The following EYS variants were observed in gnomAD, a reference collection of about 807,000 sequenced individuals.
EYS encodes protein eyes shut homolog.
Under a neutral mutation model 282.1 loss-of-function variants are expected in EYS, and 250 were observed. The ratio of observed to expected loss-of-function variants is 0.89; its 90% confidence interval spans 0.80 to 0.98. The LOEUF is 0.98. Ranked by LOEUF, EYS falls within the 50% of genes least tolerant of loss-of-function variation. The pLI, the probability that EYS is intolerant of heterozygous loss-of-function variation, is 0.00. For missense variants in EYS, 4,016 were observed against 3,709.0 expected, an observed-to-expected ratio of 1.08 and a Z score of -2.15; for synonymous variants, 1,355 against 1,282.9, an observed-to-expected ratio of 1.06 and a Z score of -1.20.
At chr6:65,201,302 A>T (rs530679439) in intron 12 of EYS, among the ~76,000 whole-genome samples, 1 of 152,338 alleles carries the variant, frequency 6.6e-6, no homozygotes, top group Non-Finnish European at 1.5e-5. Flanking sequence ...ATAAATGAAT[A>T]AATGTCTTCT....
chr6:65,684,739 G>T (rs1159547995), intron 1 of EYS, among the ~76,000 whole-genome samples: 1 of 151,992 alleles, frequency 6.6e-6, no homozygotes, highest in East Asian at 1.9e-4. Context: ...ACATGGTTAG[G>T]TTTATTACAT....
At chr6:65,033,347 G>A (rs886494487) in intron 13 of EYS, among the ~76,000 whole-genome samples, 2 of 152,174 alleles carry the variant, frequency 1.3e-5, no homozygotes, top group Non-Finnish European at 2.9e-5. Flanking sequence ...TAACAAAAAG[G>A]AGCCAAGTGC....
intron 2 of EYS, among the ~76,000 whole-genome samples, chr6:65,635,984 T>G (rs985060089): frequency 1.3e-5 from 2 of 152,214 alleles, no homozygotes; most frequent in African/African-American, 4.8e-5. Context: ...ATGAGATTGA[T>G]TTGAGTAACA....
chr6:65,513,212 C>T (rs1372022797), intron 2 of EYS, among the ~76,000 whole-genome samples: 1 of 152,164 alleles, frequency 6.6e-6, no homozygotes, highest in African/African-American at 2.4e-5. Context: ...AATTCCTCCA[C>T]ACATACACCC....
At chr6:65,466,525 A>T (rs1196525636) in intron 5 of EYS, among the ~76,000 whole-genome samples, 2 of 152,056 alleles carry the variant, frequency 1.3e-5, no homozygotes, top group Non-Finnish European at 2.9e-5. Context: ...TATGAGGAAC[A>T]TTGTTAAAAT....
In EYS at chr6:64,043,015, C is replaced by T. The variant is rs544122265; in HGVS notation, c.6725+23323G>A. ...ATTTACTATCTCTGTGCTCAGTTTC[C>T]TCTTCTATAAAAAGGAGACGATAGT... On this transcript the variant is annotated intron_variant, in intron 33 of 42. Coordinates refer to ENST00000503581, the MANE Select transcript of EYS (RefSeq NM_001142800.2). 2.0e-5 allele frequency among the ~76,000 whole-genome samples: 3 copies of T among 152,202 alleles called. No individual in the cohort carries two copies. The East Asian group carries it at 5.8e-4, about 29-fold the overall frequency.
chr6:64,005,851 A>C (rs1768320666), intron 33 of EYS, among the ~76,000 whole-genome samples: 1 of 152,078 alleles, frequency 6.6e-6, no homozygotes, highest in Non-Finnish European at 1.5e-5. Flanking sequence ...TACAAGTACC[A>C]TGCTGTTTTG....
intron 5 of EYS, among the ~76,000 whole-genome samples, chr6:65,414,261 A>G (rs1305940165): frequency 6.6e-6 from 1 of 152,152 alleles, no homozygotes; most frequent in Non-Finnish European, 1.5e-5. Flanking sequence ...GATGTAATAA[A>G]CTATTTCAGG....
intron 8 of EYS, among the ~76,000 whole-genome samples, chr6:65,367,771 C>G (rs2150338890): frequency 6.6e-6 from 1 of 151,814 alleles, no homozygotes; most frequent in South Asian, 2.1e-4. Flanking sequence ...ACATTTCTTA[C>G]TCTATAGCTA....
At chr6:65,029,491 G>A (rs776418089) in intron 13 of EYS, among the ~76,000 whole-genome samples, 29 of 151,958 alleles carry the variant, frequency 1.9e-4, no homozygotes, top group Non-Finnish European at 3.7e-4. Context: ...AATGACATGG[G>A]TCTATTTATA....
Position 64,822,689 on chromosome 6 carries a change from G to T in EYS, c.3126C>A (p.Asn1042Lys). Residue 1042 changes from asparagine (N) to lysine (K), a missense_variant, in exon 20 of 43, where the codon AAC becomes AAA. Physicochemically the swap from Asn to Lys is moderately conservative, Grantham distance 94. Coordinates refer to ENST00000503581, the MANE Select transcript of EYS (RefSeq NM_001142800.2). Reference sequence around the variant, plus strand: ...AAGGATTTGAAAGGCAATCATTGGCGTTTGTTTCACAGTGTGTTCCAAAAA... The same window carrying T: ...AAGGATTTGAAAGGCAATCATTGGCTTTTGTTTCACAGTGTGTTCCAAAAA... ...SGFFGTHCETNANDCLSNPCL... is the reference protein window; with the variant it reads ...SGFFGTHCETKANDCLSNPCL... 2 of 1,545,214 alleles carry T rather than the reference G, an allele frequency of 1.3e-6. No individual in the cohort carries two copies. The highest frequency in any genetic ancestry group is 1.7e-4 in the Middle Eastern group (1 of 5,974).
At chr6:64,946,258 T>A (rs562659135) in intron 14 of EYS, among the ~76,000 whole-genome samples, 1 of 152,118 alleles carries the variant, frequency 6.6e-6, no homozygotes, top group East Asian at 1.9e-4. Flanking sequence ...GGAGTATAAC[T>A]AAATAACTAA....
chr6:64,073,730 G>A lies in EYS; in HGVS notation c.6572-7239C>T, dbSNP rs546370801. Among the ~76,000 whole-genome samples, 107 of 151,710 alleles carry A rather than the reference G, an allele frequency of 7.1e-4. 2 individuals carry two copies. The South Asian group carries it at 0.022, about 31-fold the overall frequency. ...TTTAGTTCAACATTGCTCGTTGAAT[G>A]TAGACATCAAGCAATGTGAATCTTT... is the stretch of plus-strand genomic sequence containing the variant. On this transcript the variant is annotated intron_variant, in intron 32 of 42. Coordinates refer to ENST00000503581, the MANE Select transcript of EYS (RefSeq NM_001142800.2).
intron 24 of EYS, among the ~76,000 whole-genome samples, chr6:64,601,884 T>C (rs1037285031): frequency 2.0e-5 from 3 of 152,064 alleles, no homozygotes; most frequent in African/African-American, 4.8e-5. Flanking sequence ...ATCCACTCTT[T>C]ACTGTCCCAT....
At position 64,754,148 on chromosome 6, in the gene EYS, A is replaced by T. The variant is rs184115631; in HGVS notation, c.3443+59230T>A. On this transcript the variant is annotated intron_variant, in intron 22 of 42. Coordinates refer to ENST00000503581, the MANE Select transcript of EYS (RefSeq NM_001142800.2). ...TATTGTGTTACATGCTTACATCAAA[A>T]AGATACAAAGTTCAAAAATTAACAA... 7.9e-5 allele frequency among the ~76,000 whole-genome samples: 12 copies of T among 152,254 alleles called. No homozygotes were observed. The East Asian group carries it at 1.9e-3, about 24-fold the overall frequency.
intron 22 of EYS, among the ~76,000 whole-genome samples, chr6:64,800,231 T>C (rs1298489153): frequency 6.6e-6 from 1 of 152,040 alleles, no homozygotes; most frequent in African/African-American, 2.4e-5. Context: ...GATACAGTAA[T>C]TCCACTGACA....
chr6:65,492,999 C>T (rs1766103567), intron 4 of EYS, among the ~76,000 whole-genome samples: 2 of 152,162 alleles, frequency 1.3e-5, no homozygotes, highest in South Asian at 4.1e-4. Context: ...TCACTACAAA[C>T]TCTACCTCCT....
intron 7 of EYS, among the ~76,000 whole-genome samples, chr6:65,393,497 C>T (rs1250179870): frequency 6.6e-6 from 1 of 151,972 alleles, no homozygotes; most frequent in Non-Finnish European, 1.5e-5. Context: ...TATGTGATTG[C>T]TATTTTAAAA....
chr6:63,849,644 A>G (rs950709606), intron 36 of EYS, among the ~76,000 whole-genome samples: 9 of 152,350 alleles, frequency 5.9e-5, no homozygotes, highest in Middle Eastern at 3.4e-3. Context: ...AACAAAAAGG[A>G]CACCCACATA....
Sources: gnomAD v4.1 joint callset for allele counts (sites outside exome capture counted in the v4.1 genomes callset) on GRCh38, gnomAD v4.1.1 for gene constraint, MANE v1.5 for transcripts, NCBI Gene and HGNC (gene_info 2026-07-23, HGNC 2026-07-21) for gene names.